The following ABLIM1 variants were observed in gnomAD, a reference collection of about 807,000 sequenced individuals.
ABLIM1 encodes the protein actin binding LIM protein 1, also known as actin-binding LIM protein 1.
A neutral mutation model predicts 107.0 loss-of-function variants in ABLIM1; 40 were observed. The ratio of observed to expected loss-of-function variants is 0.37; its 90% confidence interval spans 0.29 to 0.49. The LOEUF (loss-of-function observed/expected upper bound fraction) is 0.49, where lower values mean the gene tolerates loss of function less well. Among genes scored for constraint, ABLIM1 ranks in the 20% least tolerant of loss-of-function variants. The probability of loss-of-function intolerance (pLI) is 0.97; values close to 1 mark genes in which losing one functional copy is unlikely to be tolerated. For synonymous variants in ABLIM1, 357 were observed against 357.3 expected (o/e 1.00, Z 0.01); for missense variants, 857 against 1,008.5 (o/e 0.85, Z 2.04).
intron 7 of ABLIM1, among the ~76,000 whole-genome samples, chr10:114,489,259 C>T (rs966879089): frequency 2.0e-5 from 3 of 152,146 alleles, no homozygotes; most frequent in Admixed American, 2.0e-4. Flanking sequence ...TCAAGCGATC[C>T]ACCCACCTCG....
intron 21 of ABLIM1, 89 bp downstream of exon 21, chr10:114,439,087 C>T: frequency 1.3e-6 from 2 of 1,505,806 alleles, no homozygotes; most frequent in South Asian, 1.2e-5. Flanking sequence ...CAGCCTACAA[C>T]ACTTTGAGAA....
intron 3 of ABLIM1, 63 bp downstream of exon 3, chr10:114,575,353 A>G (rs1485114123): frequency 1.9e-6 from 3 of 1,569,620 alleles, no homozygotes; most frequent in African/African-American, 1.4e-5. Context: ...AACCTTTAAC[A>G]GCCCAAACCA....
intron 1 of ABLIM1, among the ~76,000 whole-genome samples, chr10:114,639,160 A>G (rs980659057): frequency 3.3e-5 from 5 of 152,166 alleles, no homozygotes; most frequent in Admixed American, 2.6e-4. Flanking sequence ...TCATCGGAGG[A>G]ACTAGCCAAG....
chr10:114,542,992 G>T (rs2066890516), intron 6 of ABLIM1, among the ~76,000 whole-genome samples: 1 of 152,140 alleles, frequency 6.6e-6, no homozygotes, highest in African/African-American at 2.4e-5. Context: ...GAAAGGCTAT[G>T]AGAGAACTCT....
chr10:114,725,394 C>T (rs2081935379), intron 1 of ABLIM1, among the ~76,000 whole-genome samples: 1 of 152,072 alleles, frequency 6.6e-6, no homozygotes, highest in African/African-American at 2.4e-5. Flanking sequence ...AAAATGTAGA[C>T]CATCTATACA....
At chr10:114,527,887 G>A (rs966204076) in intron 6 of ABLIM1, among the ~76,000 whole-genome samples, 3 of 146,042 alleles carry the variant, frequency 2.1e-5, no homozygotes, top group Admixed American at 7.0e-5. Flanking sequence ...GCCCACGCTA[G>A]AGTGCAGTGG....
chr10:114,485,737 T>C (rs1433278095), intron 8 of ABLIM1, among the ~76,000 whole-genome samples: 1 of 152,186 alleles, frequency 6.6e-6, no homozygotes, highest in African/African-American at 2.4e-5. Context: ...AGTTCTTAAA[T>C]ATAAAAAATG....
At chr10:114,685,022 T>C (rs1247592682), upstream of ABLIM1, 1 of 152,394 alleles carries the variant, frequency 6.6e-6, no homozygotes, top group South Asian at 2.1e-4. Context: ...CCGTGGACTT[T>C]GAGCCTTTTT....
intron 7 of ABLIM1, among the ~76,000 whole-genome samples, chr10:114,490,751 A>G (rs1159987574): frequency 6.6e-6 from 1 of 151,254 alleles, no homozygotes; most frequent in Non-Finnish European, 1.5e-5. Flanking sequence ...ATATATATAT[A>G]ATCAGTTTCA....
rs780835675 is a variant in ABLIM1, at chr10:114,451,640, G to T, written c.1578C>A (p.Pro526=). Residue 526 remains proline, a synonymous_variant, in exon 14 of 23, where the codon CCC becomes CCA. Transcript: ENST00000533213. ...GGGTTTTACCATGCTGTTTGTAGAT[G>T]GGTGGCTTTCGGTAAATGTTGATTC... ...DQGINIYRKP[P]IYKQHAALAA... 3.7e-6 allele frequency: 6 copies of T among 1,613,318 alleles called. No homozygotes were observed. The highest frequency in any genetic ancestry group is 1.6e-4 in the Middle Eastern group (1 of 6,084).
intron 4 of ABLIM1, among the ~76,000 whole-genome samples, chr10:114,569,378 G>A (rs1238530344): frequency 1.3e-5 from 2 of 151,530 alleles, no homozygotes; most frequent in Non-Finnish European, 2.9e-5. Context: ...GGAGTGCAGT[G>A]GCGCGATCTC....
At chr10:114,697,674 TAAAAAG>T (rs1340951961) in intron 1 of ABLIM1, among the ~76,000 whole-genome samples, 2 of 152,218 alleles carry the variant, frequency 1.3e-5, no homozygotes, top group Non-Finnish European at 2.9e-5. Flanking sequence ...TATTTGCTGT[TAAAAAG>T]AAAACCTATG....
the ABLIM1 span, among the ~76,000 whole-genome samples, chr10:114,795,759 G>A: frequency 4.6e-5 from 7 of 151,572 alleles, no homozygotes; most frequent in South Asian, 2.1e-4. Flanking sequence ...CTCAGTGGTC[G>A]CACAAACCTG....
rs186634516 is a variant in ABLIM1, at chr10:114,735,001, T to C, written c.-213+33060A>G. ...ATGGACTTAAAGGGGCTTATGTGAC[T>C]ACATAAAATGCAGCAAGTTAGCAAG... On this transcript the variant is annotated intron_variant, in intron 1 of 15. Transcript: ENST00000651092. 7.2e-5 allele frequency among the ~76,000 whole-genome samples: 11 copies of C among 152,362 alleles called. No individual in the cohort carries two copies. In the East Asian group the frequency reaches 2.1e-3, roughly 29 times the overall value.
chr10:114,504,474 C>T (rs938469834), intron 6 of ABLIM1, among the ~76,000 whole-genome samples: 10 of 152,008 alleles, frequency 6.6e-5, no homozygotes, highest in Non-Finnish European at 1.5e-4. Flanking sequence ...TTTTTTCCTT[C>T]CATAAATTAT....
At chr10:114,711,538 C>T (rs2081547462) in intron 1 of ABLIM1, among the ~76,000 whole-genome samples, 1 of 152,140 alleles carries the variant, frequency 6.6e-6, no homozygotes, top group South Asian at 2.1e-4. Flanking sequence ...TGGCAGGTGA[C>T]AGATGTTACA....
intron 4 of ABLIM1, among the ~76,000 whole-genome samples, chr10:114,565,956 C>A (rs894270107): frequency 1.3e-5 from 2 of 151,778 alleles, no homozygotes; most frequent in East Asian, 3.9e-4. Flanking sequence ...CACCATGCCT[C>A]GCTAATTTTT....
chr10:114,542,443 A>AG (rs1189892336), intron 6 of ABLIM1, among the ~76,000 whole-genome samples: 1 of 151,168 alleles, frequency 6.6e-6, no homozygotes, highest in African/African-American at 2.4e-5. Context: ...AAAAAGAAAA[A>AG]AAAAAAAGAA....
chr10:114,538,726 A>G (rs1797092305), intron 6 of ABLIM1, among the ~76,000 whole-genome samples: 1 of 152,236 alleles, frequency 6.6e-6, no homozygotes, highest in South Asian at 2.1e-4. Flanking sequence ...GAGGAGAACA[A>G]AAGAATGCTC....
Sources: gnomAD v4.1 joint callset for allele counts (sites outside exome capture counted in the v4.1 genomes callset) on GRCh38, gnomAD v4.1.1 for gene constraint, MANE v1.5 for transcripts, NCBI Gene and HGNC (gene_info 2026-07-23, HGNC 2026-07-21) for gene names.